NREP: variants seen among roughly 807,000 people sequenced by gnomAD.
The protein encoded by NREP is neuronal regeneration-related protein.
NREP carries 5 observed loss-of-function variants against 8.6 expected under a neutral mutation model. That is an observed-to-expected ratio of 0.58 (90% CI 0.30 to 1.22). The LOEUF is 1.22. Ranked by LOEUF, NREP falls within the 50% of genes most tolerant of loss-of-function variation. The probability of loss-of-function intolerance (pLI) is 0.07; values close to 1 mark genes in which losing one functional copy is unlikely to be tolerated. For missense variants in NREP, 86 were observed against 82.5 expected (o/e 1.04, Z -0.17); for synonymous variants, 27 against 28.0 (o/e 0.96, Z 0.11).
chr5:111,859,950 TTTCAGAC>T lies in NREP; in HGVS notation c.135+115317_135+115323del, dbSNP rs540667746. Among the ~76,000 whole-genome samples the T allele has an allele frequency of 3.0e-4, 46 of 152,304 alleles. 1 individual carries two copies. In the South Asian group the frequency reaches 8.5e-3, roughly 28 times the overall value. On this transcript the variant is annotated intron_variant, in intron 2 of 3. Coordinates refer to the NREP transcript ENST00000395634. ...GATTTTAGAGGCTCACCCAAATTTC[TTTCAGAC>T]TTCAGGTCTGTGGGCTAATTTTCAG...
intron 2 of NREP, among the ~76,000 whole-genome samples, chr5:111,886,795 G>T (rs551538709): frequency 1.3e-5 from 2 of 151,592 alleles, no homozygotes; most frequent in Admixed American, 6.6e-5. Context: ...ACACAGGAAG[G>T]GGAACATCAC....
At position 111,906,398 on chromosome 5, in the gene NREP, T is replaced by C. The variant is rs1470523135; in HGVS notation, c.135+68876A>G. On this transcript the variant is annotated intron_variant, in intron 2 of 3. Transcript: ENST00000395634. Reference sequence around the variant, plus strand: ...GTAGCTTTTTAAGAATTATGGACTATATTCAGCTGCAATTAAGCAAATGGA... The same window carrying C: ...GTAGCTTTTTAAGAATTATGGACTACATTCAGCTGCAATTAAGCAAATGGA... Among the ~76,000 whole-genome samples the C allele has an allele frequency of 3.3e-5, 5 of 152,228 alleles. No homozygotes were observed. The East Asian group carries it at 9.7e-4, about 29-fold the overall frequency.
At chr5:111,845,771 C>T (rs1753147504) in intron 2 of NREP, among the ~76,000 whole-genome samples, 1 of 151,546 alleles carries the variant, frequency 6.6e-6, no homozygotes, top group African/African-American at 2.4e-5. Flanking sequence ...ACAGGACTAA[C>T]ATGACCAAAG....
At chr5:111,842,944 T>G (rs1202610261) in intron 2 of NREP, among the ~76,000 whole-genome samples, 1 of 152,172 alleles carries the variant, frequency 6.6e-6, no homozygotes, top group Non-Finnish European at 1.5e-5. Context: ...AGGTTCCATT[T>G]TGTGCGACAA....
chr5:111,773,292 A>G (rs1161483074), intron 2 of NREP, among the ~76,000 whole-genome samples: 1 of 152,188 alleles, frequency 6.6e-6, no homozygotes, highest in Non-Finnish European at 1.5e-5. Flanking sequence ...AGAGAGAATC[A>G]TAAACATACA....
At chr5:111,779,242 AG>A (rs1242791103) in intron 2 of NREP, among the ~76,000 whole-genome samples, 1 of 152,246 alleles carries the variant, frequency 6.6e-6, no homozygotes, top group Non-Finnish European at 1.5e-5. Context: ...CCAGAAAGCA[AG>A]GGGTGCATCC....
At chr5:111,973,754 C>T (rs1756886734) in intron 2 of NREP, among the ~76,000 whole-genome samples, 1 of 152,174 alleles carries the variant, frequency 6.6e-6, no homozygotes, top group Non-Finnish European at 1.5e-5. Flanking sequence ...CTCTCTCCTT[C>T]AATTTCTATT....
intron 1 of NREP, chr5:111,756,323 CGGGGGGGGT>C: frequency 3.3e-5 from 2 of 61,082 alleles, no homozygotes; most frequent in Non-Finnish European, 5.6e-5. Flanking sequence ...CCCTACACGG[CGGGGGGGGT>C]GGGGGGAGTC....
rs187421349 is a variant in NREP at position 111,881,139 on chromosome 5, C to A, written c.135+94135G>T. 5.3e-5 allele frequency among the ~76,000 whole-genome samples: 8 copies of A among 152,344 alleles called. No individual in the cohort carries two copies. In the East Asian group the frequency reaches 1.3e-3, roughly 26 times the overall value. ...CTCCCACTCTAATACTGTGCTTTTCCGACAGGCTTAAAAAACGGCGCACCA... is the reference window on the plus strand; with the variant it reads ...CTCCCACTCTAATACTGTGCTTTTCAGACAGGCTTAAAAAACGGCGCACCA... On this transcript the variant is annotated intron_variant, in intron 2 of 3. Coordinates refer to the NREP transcript ENST00000395634.
intron 2 of NREP, among the ~76,000 whole-genome samples, chr5:111,889,703 G>T (rs1754348042): frequency 6.6e-6 from 1 of 152,158 alleles, no homozygotes. Flanking sequence ...ATGCGTCCGT[G>T]TGAAGAGAAT....
upstream of NREP, chr5:111,757,745 C>T: frequency 2.0e-6 from 2 of 984,042 alleles, no homozygotes; most frequent in Non-Finnish European, 2.4e-6. Flanking sequence ...GGGAGCACGG[C>T]GCGCGCAAAT....
intron 2 of NREP, among the ~76,000 whole-genome samples, chr5:111,967,619 G>A (rs929601040): frequency 5.3e-5 from 8 of 151,930 alleles, no homozygotes; most frequent in African/African-American, 7.3e-5. Flanking sequence ...TGTGAGGAAC[G>A]CCTCTGCCCG....
intron 2 of NREP, among the ~76,000 whole-genome samples, chr5:111,973,005 G>C (rs920687404): frequency 6.6e-6 from 1 of 152,192 alleles, no homozygotes; most frequent in South Asian, 2.1e-4. Context: ...GAAGGGTTGT[G>C]TGTAGCTGCA....
chr5:111,940,462 G>T (rs896729579), intron 2 of NREP, among the ~76,000 whole-genome samples: 3 of 152,004 alleles, frequency 2.0e-5, no homozygotes, highest in Admixed American at 6.6e-5. Context: ...CTGTCTGTCT[G>T]CCATGTTCCA....
At chr5:111,827,601 G>A (rs1426895843) in intron 2 of NREP, among the ~76,000 whole-genome samples, 2 of 152,152 alleles carry the variant, frequency 1.3e-5, no homozygotes, top group East Asian at 1.9e-4. Flanking sequence ...CTGCAATTTG[G>A]GAGGCTGTGG....
chr5:111,737,002 C>T (rs535612217), intron 2 of NREP, among the ~76,000 whole-genome samples: 17 of 152,284 alleles, frequency 1.1e-4, no homozygotes, highest in Non-Finnish European at 1.9e-4. Context: ...CCGCCACCCA[C>T]GTTTGGGTCT....
chr5:111,755,520 C>T (rs751895215), intron 2 of NREP: 1 of 504,372 alleles, frequency 2.0e-6, no homozygotes, highest in Non-Finnish European at 3.6e-6. Flanking sequence ...TTAAATAAAT[C>T]CTCACTTCTG....
chr5:111,826,855 T>G (rs988640022), intron 2 of NREP, among the ~76,000 whole-genome samples: 1 of 152,180 alleles, frequency 6.6e-6, no homozygotes, highest in African/African-American at 2.4e-5. Flanking sequence ...TTTTGAGCTT[T>G]TCCCCCATTT....
chr5:111,922,558 G>T (rs1050818217), intron 2 of NREP, among the ~76,000 whole-genome samples: 1 of 152,124 alleles, frequency 6.6e-6, no homozygotes, highest in Non-Finnish European at 1.5e-5. Flanking sequence ...CTCTGAGCTC[G>T]ATGGAGAAGA....
Sources: gnomAD v4.1 joint callset for allele counts (sites outside exome capture counted in the v4.1 genomes callset) on GRCh38, gnomAD v4.1.1 for gene constraint, MANE v1.5 for transcripts, NCBI Gene and HGNC (gene_info 2026-07-23, HGNC 2026-07-21) for gene names.